Variants in CNTNAP5 observed in about 807,000 individuals in gnomAD.
CNTNAP5 encodes the protein contactin associated protein family member 5, also known as contactin-associated protein-like 5.
In CNTNAP5, 72 loss-of-function variants were observed where a neutral mutation model predicts 150.2. That is an observed-to-expected ratio of 0.48 (90% CI 0.40 to 0.58). CNTNAP5 has a LOEUF of 0.58. Ranked by LOEUF, CNTNAP5 falls within the 20% of genes least tolerant of loss-of-function variation. CNTNAP5 has a pLI of 0.00. For synonymous variants in CNTNAP5, 672 were observed against 619.8 expected (o/e 1.08, Z -1.25); for missense variants, 1,636 against 1,626.2 (o/e 1.01, Z -0.10).
At chr2:124,862,539 C>T (rs574288934) in intron 19 of CNTNAP5, among the ~76,000 whole-genome samples, 1 of 152,204 alleles carries the variant, frequency 6.6e-6, no homozygotes, top group South Asian at 2.1e-4. Context: ...CTGAGGATAG[C>T]GGGAATAACT....
At chr2:124,347,006 T>C (rs1451131504) in intron 3 of CNTNAP5, among the ~76,000 whole-genome samples, 2 of 151,582 alleles carry the variant, frequency 1.3e-5, no homozygotes, top group African/African-American at 4.9e-5. Context: ...GGAGAACCCT[T>C]GAACCCCAGA....
At chr2:124,461,369 C>G (rs1485132965) in intron 6 of CNTNAP5, among the ~76,000 whole-genome samples, 1 of 151,822 alleles carries the variant, frequency 6.6e-6, no homozygotes, top group Non-Finnish European at 1.5e-5. Context: ...GAGTTCATGT[C>G]CTTTGTAAGG....
intron 20 of CNTNAP5, among the ~76,000 whole-genome samples, chr2:124,866,134 G>C (rs757900156): frequency 1.3e-5 from 2 of 151,600 alleles, no homozygotes; most frequent in Admixed American, 1.3e-4. Flanking sequence ...GTGGTGGCAC[G>C]CACCTATAAT....
Position 124,865,394 on chromosome 2 carries a change from C to T in CNTNAP5, c.3306C>T (p.His1102=), listed in dbSNP as rs1490791107. Residue 1102 remains histidine (H), a synonymous_variant, in exon 20 of 24, where the codon CAC becomes CAT. Transcript: ENST00000682447. Reference sequence around the variant, plus strand: ...ATAACTTTGCTAACAGAAGGATGCACCACTTGAAGATTAACCGAGAGGGAA... The same window carrying T: ...ATAACTTTGCTAACAGAAGGATGCATCACTTGAAGATTAACCGAGAGGGAA... ...DADNFANRRM[H]HLKINREGRE... is the part of the protein sequence containing the mutation. 2 of 1,553,034 alleles carry T rather than the reference C, an allele frequency of 1.3e-6. No individual in the cohort carries two copies. Among genetic ancestry groups the T allele is most frequent in the African/African-American group, 1.4e-5 (1 of 73,130 alleles).
chr2:124,323,382 A>G (rs1389990652), intron 3 of CNTNAP5, among the ~76,000 whole-genome samples: 2 of 152,206 alleles, frequency 1.3e-5, no homozygotes, highest in African/African-American at 2.4e-5. Context: ...AAACAAATGG[A>G]AATAAAGCTT....
chr2:124,789,711 A>G (rs1681675440), intron 17 of CNTNAP5, among the ~76,000 whole-genome samples, 191 bp from the exon 18 acceptor site: 1 of 152,120 alleles, frequency 6.6e-6, no homozygotes, highest in Non-Finnish European at 1.5e-5. Context: ...TAGCTCCACC[A>G]TTGTTTCTAG....
intron 12 of CNTNAP5, among the ~76,000 whole-genome samples, chr2:124,618,232 A>G (rs1677530425): frequency 1.3e-5 from 2 of 152,140 alleles, no homozygotes; most frequent in South Asian, 4.1e-4. Flanking sequence ...GCTCTTCAGC[A>G]TGTGAGACTA....
chr2:124,671,020 A>G (rs1678812669), intron 13 of CNTNAP5, among the ~76,000 whole-genome samples: 1 of 152,192 alleles, frequency 6.6e-6, no homozygotes, highest in East Asian at 1.9e-4. Context: ...AGCTTGCTAC[A>G]GAGGAGGTGC....
At chr2:124,189,309 C>T (rs1274366906) in intron 1 of CNTNAP5, among the ~76,000 whole-genome samples, 1 of 152,052 alleles carries the variant, frequency 6.6e-6, no homozygotes, top group African/African-American at 2.4e-5. Flanking sequence ...ATTGAAAGCC[C>T]TCATAAAGTC....
At chr2:124,734,688 A>AT (rs1247679166) in intron 13 of CNTNAP5, among the ~76,000 whole-genome samples, 1 of 151,754 alleles carries the variant, frequency 6.6e-6, no homozygotes, top group East Asian at 1.9e-4. Context: ...GTTAACCTTT[A>AT]TTTTTTCTCT....
At chr2:124,157,103 G>A (rs1684564190) in intron 1 of CNTNAP5, among the ~76,000 whole-genome samples, 1 of 152,188 alleles carries the variant, frequency 6.6e-6, no homozygotes. Context: ...GTTTATTCAA[G>A]TGTAAAATGA....
At chr2:124,493,531 G>T (rs994593191) in intron 7 of CNTNAP5, among the ~76,000 whole-genome samples, 1 of 151,760 alleles carries the variant, frequency 6.6e-6, no homozygotes. Context: ...TAGTAGAGAC[G>T]GGGTTTCACC....
intron 2 of CNTNAP5, among the ~76,000 whole-genome samples, chr2:124,226,219 C>T (rs1405865854): frequency 2.0e-5 from 3 of 151,392 alleles, no homozygotes; most frequent in Non-Finnish European, 2.9e-5. Flanking sequence ...AATTTACATT[C>T]CCAACAACAG....
At chr2:124,731,371 G>A (rs995788008) in intron 13 of CNTNAP5, among the ~76,000 whole-genome samples, 5 of 150,018 alleles carry the variant, frequency 3.3e-5, no homozygotes, top group South Asian at 2.1e-4. Flanking sequence ...TTCTTTTACC[G>A]TAAGCAGATA....
chr2:124,462,534 G>A (rs1253886111), intron 6 of CNTNAP5, among the ~76,000 whole-genome samples: 1 of 152,160 alleles, frequency 6.6e-6, no homozygotes, highest in Non-Finnish European at 1.5e-5. Flanking sequence ...AACTAAAGGA[G>A]CAAATGGTAA....
chr2:124,649,895 G>A (rs1481932114), intron 13 of CNTNAP5, among the ~76,000 whole-genome samples: 1 of 152,076 alleles, frequency 6.6e-6, no homozygotes, highest in Non-Finnish European at 1.5e-5. Flanking sequence ...ATCCAAAATT[G>A]TTCCATAATG....
At chr2:124,418,497 T>C (rs1036809555) in intron 4 of CNTNAP5, among the ~76,000 whole-genome samples, 1 of 152,220 alleles carries the variant, frequency 6.6e-6, no homozygotes, top group Non-Finnish European at 1.5e-5. Flanking sequence ...CATACTGGAT[T>C]ATAATTTCTG....
chr2:124,713,878 TCTCTC>T (rs1224471462), intron 13 of CNTNAP5, among the ~76,000 whole-genome samples: 1 of 152,132 alleles, frequency 6.6e-6, no homozygotes, highest in Non-Finnish European at 1.5e-5. Flanking sequence ...TGACTCCCCA[TCTCTC>T]CTCCCTAGTT....
intron 6 of CNTNAP5, among the ~76,000 whole-genome samples, chr2:124,452,560 T>C (rs1420716602): frequency 6.6e-6 from 1 of 152,110 alleles, no homozygotes; most frequent in Non-Finnish European, 1.5e-5. Flanking sequence ...TTCTTGAAAA[T>C]GCCAGCTCCT....
Sources: allele counts gnomAD v4.1 joint callset (sites outside exome capture counted in the v4.1 genomes callset), GRCh38; gene constraint gnomAD v4.1.1; transcripts MANE v1.5; gene names NCBI Gene and HGNC (gene_info 2026-07-23, HGNC 2026-07-21).